The following SMIM9 variants were observed in gnomAD, a reference collection of about 807,000 sequenced individuals.
The protein encoded by SMIM9 is small integral membrane protein 9, also known as chromosome X open reading frame 68.
Under a neutral mutation model 7.2 loss-of-function variants are expected in SMIM9, and 8 were observed. The ratio of observed to expected loss-of-function variants is 1.10; its 90% CI spans 0.65 to 1.99. The LOEUF is 1.99. Ranked by LOEUF, SMIM9 falls within the 30% of genes most tolerant of loss-of-function variation. SMIM9 has a pLI of 0.00. For missense variants in SMIM9, 76 were observed against 69.3 expected (o/e 1.10, Z -0.34); for synonymous variants, 19 against 26.4 (o/e 0.72, Z 0.86).
At chrX:154,829,492 A>G in intron 4 of SMIM9, 43 bp downstream of exon 4, 1 of 1,157,588 alleles carries the variant, frequency 8.6e-7, no homozygotes, top group Non-Finnish European at 1.2e-6. Context: ...CCCCCTTCAC[A>G]TTCCCTCTCT....
intron 4 of SMIM9, among the ~76,000 whole-genome samples, chrX:154,826,992 C>G (rs376270702): frequency 2.7e-5 from 3 of 112,634 alleles, no homozygotes; most frequent in South Asian, 3.6e-4. Flanking sequence ...TCCAATTTAC[C>G]TGTTAGGCTT....
At chrX:154,831,513 C>T (rs782335541) in intron 2 of SMIM9, among the ~76,000 whole-genome samples, 5 of 110,357 alleles carry the variant, frequency 4.5e-5, no homozygotes, top group South Asian at 3.7e-4. Flanking sequence ...ACTTACAAAA[C>T]GTATCCAGAA....
chrX:154,824,867 C>A (rs144590023), intron 4 of SMIM9, among the ~76,000 whole-genome samples: 116 of 112,171 alleles, frequency 1.0e-3, no homozygotes, highest in Non-Finnish European at 1.6e-3. Context: ...CTAGCTTAAG[C>A]CTTCATTACA....
At position 154,823,451 on chromosome X, in the gene SMIM9, A is replaced by G. The variant is rs1341960752; in HGVS notation, c.*304T>C. 3 of 228,603 alleles carry G rather than the reference A, an allele frequency of 1.3e-5. No individual in the cohort carries two copies. The allele number at this position is 228,603 out of a possible 1,213,427, so 18.8% of individuals were successfully genotyped here. The stretch of plus-strand genomic sequence containing the variant: ...GAAAAAAATTGAAGGGAGGTACATC[A>G]AGATGTTAATGATGTTTATTTCTGG... On this transcript the variant is annotated 3_prime_UTR_variant, in exon 5 of 5. Transcript: ENST00000369529.
intron 3 of SMIM9, among the ~76,000 whole-genome samples, chrX:154,830,026 GAGGCTGAGGAGAGGGAGTATCCCAGGA>G (rs1267991407): frequency 9.0e-6 from 1 of 111,705 alleles, no homozygotes; most frequent in Non-Finnish European, 1.9e-5. Flanking sequence ...AGTCCTGCAG[GAGGCTGAGGAGAGGGAGTATCCCAGGA>G]AGAGAAAGGA....
intron 4 of SMIM9, among the ~76,000 whole-genome samples, chrX:154,825,512 C>T (rs1337533593): frequency 4.5e-5 from 5 of 110,709 alleles, no homozygotes; most frequent in East Asian, 2.8e-4. Flanking sequence ...ATCGGTGTGG[C>T]GATTCCTCAG....
chrX:154,827,635 G>A (rs782694988), intron 4 of SMIM9, among the ~76,000 whole-genome samples: 14 of 112,613 alleles, frequency 1.2e-4, no homozygotes, highest in Non-Finnish European at 2.1e-4. Context: ...TGGAAGGAAG[G>A]TTAAGAATAT....
At chrX:154,828,003 T>C (rs2072428774) in intron 4 of SMIM9, among the ~76,000 whole-genome samples, 1 of 111,790 alleles carries the variant, frequency 8.9e-6, no homozygotes, top group Non-Finnish European at 1.9e-5. Flanking sequence ...ACAACCCTGA[T>C]GGGGCCGACT....
At chrX:154,825,959 T>C (rs1237307859) in intron 4 of SMIM9, among the ~76,000 whole-genome samples, 33 of 106,318 alleles carry the variant, frequency 3.1e-4, no homozygotes, top group African/African-American at 1.0e-3. Context: ...TTAGGAGATA[T>C]ACCTAATGCT....
chrX:154,825,844 C>T (rs1234155693), intron 4 of SMIM9, among the ~76,000 whole-genome samples: 1 of 105,734 alleles, frequency 9.5e-6, no homozygotes, highest in African/African-American at 3.5e-5. Context: ...ACCACATGTT[C>T]TCACTCATAG....
chrX:154,831,919 A>C (rs896355477), intron 2 of SMIM9, among the ~76,000 whole-genome samples: 1 of 110,324 alleles, frequency 9.1e-6, no homozygotes, highest in Admixed American at 9.8e-5. Context: ...CAAACTTCCT[A>C]ATTGTCTTAC....
chrX:154,826,626 T>C (rs1327637154), intron 4 of SMIM9, among the ~76,000 whole-genome samples: 2 of 112,707 alleles, frequency 1.8e-5, no homozygotes, highest in Admixed American at 1.9e-4. Context: ...ATGGTTTTTA[T>C]CTGCCCTGAG....
intron 1 of SMIM9, among the ~76,000 whole-genome samples, chrX:154,833,097 G>A (rs190054868): frequency 1.8e-5 from 2 of 111,032 alleles, no homozygotes; most frequent in Non-Finnish European, 3.8e-5. Context: ...TCTATGTGTG[G>A]ATATTTTTAT....
At chrX:154,833,787 A>G (rs781903126) in intron 1 of SMIM9, among the ~76,000 whole-genome samples, 2 of 112,122 alleles carry the variant, frequency 1.8e-5, no homozygotes, top group South Asian at 7.4e-4. Flanking sequence ...AAAATAAAAT[A>G]TTAAAAAAAT....
intron 4 of SMIM9, among the ~76,000 whole-genome samples, chrX:154,824,201 C>CA (rs1215541086): frequency 1.8e-5 from 2 of 108,506 alleles, no homozygotes; most frequent in African/African-American, 6.7e-5. Flanking sequence ...ACTAAAAATA[C>CA]AAAAAATTAG....
intron 3 of SMIM9, 47 bp from the exon 4 acceptor site, chrX:154,829,711 A>T (rs781814240): frequency 8.8e-7 from 1 of 1,142,333 alleles, no homozygotes; most frequent in South Asian, 2.0e-5. Flanking sequence ...CAAGTAAATG[A>T]TAGGGCTGGC....
chrX:154,830,860 C>T lies in SMIM9; in HGVS notation c.-4G>A. The T allele has an allele frequency of 8.6e-7, 1 of 1,164,349 alleles. No individual in the cohort carries two copies. Among genetic ancestry groups the T allele is most frequent in the African/African-American group, 1.8e-5 (1 of 56,209 alleles). On this transcript the variant is annotated 5_prime_UTR_variant, in exon 3 of 5. Transcript: ENST00000369529. The stretch of plus-strand genomic sequence containing the variant: ...TCAGCAGCTTCTGGGGTTCCATGGA[C>T]TCCCGCCTTCAGCTGCGGCTGAAGA...
chrX:154,826,401 C>G, intron 4 of SMIM9, among the ~76,000 whole-genome samples: 1 of 110,847 alleles, frequency 9.0e-6, no homozygotes, highest in East Asian at 2.8e-4. Context: ...CTTATCTGCC[C>G]TGTTGTATTT....
At chrX:154,829,904 A>G (rs915191656) in intron 3 of SMIM9, among the ~76,000 whole-genome samples, 18 of 112,625 alleles carry the variant, frequency 1.6e-4, no homozygotes, top group Admixed American at 5.6e-4. Flanking sequence ...AAATAGGAAC[A>G]ATAATTGTTG....
Sources: gnomAD v4.1 joint callset for allele counts (sites outside exome capture counted in the v4.1 genomes callset) on GRCh38, gnomAD v4.1.1 for gene constraint, MANE v1.5 for transcripts, NCBI Gene and HGNC (gene_info 2026-07-23, HGNC 2026-07-21) for gene names.